The following TSHR variants were observed in gnomAD, a reference collection of about 807,000 sequenced individuals.
The protein encoded by TSHR is thyroid stimulating hormone receptor.
TSHR carries 51 observed loss-of-function variants against 64.1 expected under a neutral mutation model. That is an observed-to-expected ratio of 0.80 (90% CI 0.64 to 1.01). TSHR has a LOEUF of 1.01. Among genes scored for constraint, TSHR ranks in the 50% least tolerant of loss-of-function variants. The pLI, the probability that TSHR is intolerant of heterozygous loss-of-function variation, is 0.00. For synonymous variants in TSHR, 361 were observed against 361.9 expected (o/e 1.00, Z 0.03); for missense variants, 877 against 942.8 (o/e 0.93, Z 0.91).
At chr14:80,997,544 C>G (rs910841762) in intron 1 of TSHR, among the ~76,000 whole-genome samples, 1 of 152,084 alleles carries the variant, frequency 6.6e-6, no homozygotes, top group African/African-American at 2.4e-5. Context: ...AGGAAGAGAC[C>G]CAGCTTTGCC....
intron 4 of TSHR, among the ~76,000 whole-genome samples, chr14:81,089,548 T>C (rs1320166189): frequency 6.6e-6 from 1 of 152,134 alleles, no homozygotes; most frequent in Non-Finnish European, 1.5e-5. Context: ...TGTATGAAAT[T>C]GAAAAGTGCC....
intron 8 of TSHR, among the ~76,000 whole-genome samples, chr14:81,134,795 T>C (rs915368545): frequency 1.3e-5 from 2 of 152,090 alleles, no homozygotes; most frequent in South Asian, 2.1e-4. Flanking sequence ...CCATAAACAA[T>C]ACAAGAAAAT....
At chr14:81,116,729 T>C (rs1415163529) in intron 8 of TSHR, among the ~76,000 whole-genome samples, 1 of 136,604 alleles carries the variant, frequency 7.3e-6, no homozygotes, top group Non-Finnish European at 1.5e-5. Context: ...AGAATATACA[T>C]TTTTTTTCAG....
intron 8 of TSHR, among the ~76,000 whole-genome samples, chr14:81,111,487 T>C (rs10144209): frequency 0.58 from 87,610 of 151,988 alleles, 26,237 homozygotes; most frequent in Middle Eastern, 0.71. Flanking sequence ...TTAAACCCAA[T>C]ACTGGCCTCC....
chr14:81,026,539 C>T (rs1313359374), intron 1 of TSHR, among the ~76,000 whole-genome samples: 1 of 151,696 alleles, frequency 6.6e-6, no homozygotes, highest in African/African-American at 2.4e-5. Context: ...TTTTTATTGC[C>T]CTAGAGAAGG....
At chr14:81,105,026 C>G (rs1472282239) in intron 7 of TSHR, 3 of 985,228 alleles carry the variant, frequency 3.0e-6, no homozygotes, top group African/African-American at 1.7e-5. Context: ...TTACTACAAG[C>G]CTTTTGAGTC....
intron 1 of TSHR, among the ~76,000 whole-genome samples, chr14:81,016,802 A>G (rs572400107): frequency 1.1e-4 from 16 of 151,996 alleles, no homozygotes; most frequent in Non-Finnish European, 2.1e-4. Flanking sequence ...TTTTGAGTTG[A>G]TTTTTGTGTC....
intron 2 of TSHR, among the ~76,000 whole-genome samples, chr14:81,067,267 T>C (rs1886686171): frequency 6.6e-6 from 1 of 151,874 alleles, no homozygotes; most frequent in Non-Finnish European, 1.5e-5. Context: ...CTGATGCTCA[T>C]GTTTTTTTGC....
intron 1 of TSHR, 97 bp downstream of exon 1, chr14:80,955,947 G>A: frequency 1.4e-6 from 2 of 1,457,244 alleles, no homozygotes; most frequent in South Asian, 1.1e-5. Context: ...ACAGCCCGAA[G>A]TAGTGTGTGA....
At chr14:81,050,659 T>C (rs927939236) in intron 1 of TSHR, 3 of 152,336 alleles carry the variant, frequency 2.0e-5, no homozygotes, top group African/African-American at 4.8e-5. Flanking sequence ...AAGATAATAA[T>C]AGTAAAGTAA....
chr14:81,130,653 T>C (rs1891199410), intron 8 of TSHR, among the ~76,000 whole-genome samples: 1 of 152,212 alleles, frequency 6.6e-6, no homozygotes, highest in African/African-American at 2.4e-5. Context: ...GATACCCAAA[T>C]AGAAATCTCC....
intron 7 of TSHR, among the ~76,000 whole-genome samples, chr14:81,106,379 C>G (rs1889894192): frequency 6.6e-6 from 1 of 152,174 alleles, no homozygotes; most frequent in Admixed American, 6.5e-5. Flanking sequence ...AAGAGTTTAA[C>G]ACTGCCCACT....
chr14:81,143,720 G>C lies in TSHR; in HGVS notation c.1662G>C (p.Leu554=), dbSNP rs1399636178. Residue 554 remains leucine, a synonymous_variant, in exon 10 of 10, where the codon CTG becomes CTC. Transcript: ENST00000298171. ...GGGTTTGCTGCTTCCTTCTCGCCCT[G>C]CTTCCTTTGGTGGGAATAAGTAGCT... The part of the protein sequence containing the change: ...GGWVCCFLLA[L]LPLVGISSYA... The C allele has an allele frequency of 6.2e-7, 1 of 1,614,040 alleles. No homozygotes were observed. Among genetic ancestry groups the C allele is most frequent in the African/African-American group, 1.3e-5 (1 of 74,916 alleles).
chr14:81,048,659 A>G (rs1486567511), intron 1 of TSHR, among the ~76,000 whole-genome samples: 1 of 152,216 alleles, frequency 6.6e-6, no homozygotes, highest in Non-Finnish European at 1.5e-5. Context: ...AAAATAAAAA[A>G]TTTTTAAGTA....
intron 8 of TSHR, among the ~76,000 whole-genome samples, chr14:81,109,180 C>T (rs550467261): frequency 1.4e-4 from 22 of 152,200 alleles, no homozygotes; most frequent in African/African-American, 4.1e-4. Context: ...GAGGCCGAGG[C>T]GGGCAGATCA....
At chr14:81,142,318 G>T (rs1891724564) in intron 9 of TSHR, among the ~76,000 whole-genome samples, 1 of 152,042 alleles carries the variant, frequency 6.6e-6, no homozygotes, top group Non-Finnish European at 1.5e-5. Flanking sequence ...GACCTCAAGT[G>T]ATGTGCCTGC....
In TSHR at chr14:80,955,737, G is replaced by C. The variant is rs1352586717; in HGVS notation, c.57G>C (p.Leu19=). ...TGCTGCTCGACCTGCCCAGGGACCT[G>C]GGCGGAATGGGGTGTTCGTCTCCAC... ...LVLLLDLPRD[L]GGMGCSSPPC... Residue 19 remains leucine (L), a synonymous_variant, in exon 1 of 10, where the codon CTG becomes CTC. Transcript: ENST00000298171. 1.2e-6 allele frequency: 2 copies of C among 1,614,168 alleles called. No homozygotes were observed. Among genetic ancestry groups the C allele is most frequent in the Non-Finnish European group, 1.7e-6 (2 of 1,180,026 alleles).
intron 1 of TSHR, chr14:81,053,310 C>T (rs1201348558): frequency 6.6e-6 from 1 of 152,162 alleles, no homozygotes; most frequent in Non-Finnish European, 1.5e-5. Flanking sequence ...ATTGAGTTTA[C>T]CAATTCAAAT....
At chr14:81,078,666 C>T (rs1887673059) in intron 3 of TSHR, 2 of 152,126 alleles carry the variant, frequency 1.3e-5, no homozygotes, top group Admixed American at 1.3e-4. Context: ...ACTTTATATC[C>T]TTGGAACCCT....
Sources: allele counts gnomAD v4.1 joint callset (sites outside exome capture counted in the v4.1 genomes callset), GRCh38; gene constraint gnomAD v4.1.1; transcripts MANE v1.5; gene names NCBI Gene and HGNC (gene_info 2026-07-23, HGNC 2026-07-21).